Variants in RASEF observed in about 807,000 individuals in gnomAD.
The protein encoded by RASEF is RAS and EF-hand domain containing.
RASEF carries 68 observed loss-of-function variants against 90.1 expected under a neutral mutation model. That is an observed-to-expected ratio of 0.75 (90% CI 0.62 to 0.92). RASEF has a LOEUF of 0.92. RASEF is among the 40% of genes least tolerant of loss of function. The probability of loss-of-function intolerance (pLI) is 0.00; values close to 1 mark genes in which losing one functional copy is unlikely to be tolerated. For synonymous variants in RASEF, 331 were observed against 345.2 expected (o/e 0.96, Z 0.46); for missense variants, 949 against 937.2 (o/e 1.01, Z -0.16).
chr9:83,180,250 A>G, the RASEF span, among the ~76,000 whole-genome samples: 9 of 152,192 alleles, frequency 5.9e-5, no homozygotes, highest in Admixed American at 5.9e-4. Context: ...ATATTAGGAT[A>G]GTTAAAAATA....
the RASEF span, among the ~76,000 whole-genome samples, chr9:83,073,320 A>G: frequency 7.9e-5 from 12 of 152,148 alleles, no homozygotes; most frequent in African/African-American, 2.9e-4. Context: ...AATACCTTTA[A>G]GGTTGATCTC....
At chr9:83,147,038 A>G in the RASEF span, among the ~76,000 whole-genome samples, 721 of 51,678 alleles carry the variant, frequency 0.014, 4 homozygotes, top group Middle Eastern at 0.036. Flanking sequence ...GTATATATAT[A>G]TGTATATATA....
intron 4 of RASEF, among the ~76,000 whole-genome samples, chr9:83,014,073 G>C (rs1375797921): frequency 3.3e-5 from 5 of 152,184 alleles, no homozygotes; most frequent in Non-Finnish European, 7.3e-5. Flanking sequence ...GGAAGCCACA[G>C]AAATAAGTCA....
intron 2 of RASEF, 82 bp downstream of exon 2, chr9:83,025,693 T>A (rs1045489110): frequency 1.5e-6 from 2 of 1,359,420 alleles, no homozygotes; most frequent in African/African-American, 1.4e-5. Context: ...AGTGTGACAA[T>A]GCAGTTCAGT....
the RASEF span, among the ~76,000 whole-genome samples, chr9:83,199,391 C>T: frequency 6.6e-6 from 1 of 151,940 alleles, no homozygotes; most frequent in African/African-American, 2.4e-5. Flanking sequence ...CGCAGCCTGT[C>T]TGTAGCAGGG....
chr9:83,055,856 G>A (rs571592359), intron 1 of RASEF, among the ~76,000 whole-genome samples: 3 of 152,324 alleles, frequency 2.0e-5, no homozygotes, highest in East Asian at 1.9e-4. Flanking sequence ...AGAAACATTC[G>A]ATGTGAAACA....
chr9:83,151,286 C>A, the RASEF span, among the ~76,000 whole-genome samples: 25,357 of 152,138 alleles, frequency 0.17, 2,308 homozygotes, highest in Non-Finnish European at 0.21. Context: ...GCCCTTGGGA[C>A]ACCACTGATG....
intron 9 of RASEF, among the ~76,000 whole-genome samples, chr9:83,003,899 C>G (rs866042074): frequency 6.6e-6 from 1 of 152,128 alleles, no homozygotes; most frequent in Non-Finnish European, 1.5e-5. Flanking sequence ...TAAACATACA[C>G]ATACACTCAT....
At chr9:83,192,956 A>G in the RASEF span, among the ~76,000 whole-genome samples, 1 of 152,224 alleles carries the variant, frequency 6.6e-6, no homozygotes, top group Non-Finnish European at 1.5e-5. Flanking sequence ...CAATGTGCCC[A>G]GGATTCTAGT....
the RASEF span, among the ~76,000 whole-genome samples, chr9:83,134,763 C>A: frequency 6.6e-6 from 1 of 151,884 alleles, no homozygotes; most frequent in East Asian, 1.9e-4. Flanking sequence ...AAGGGTACAC[C>A]CAAGAGAATT....
chr9:83,137,964 T>A, the RASEF span, among the ~76,000 whole-genome samples: 1 of 151,962 alleles, frequency 6.6e-6, no homozygotes, highest in Admixed American at 6.6e-5. Context: ...AAACTTGAAC[T>A]TTACCCTCAG....
In RASEF at chr9:83,000,475, A is replaced by G. The variant is rs1257834638; in HGVS notation, c.1533T>C (p.Ile511=). The part of the protein sequence containing the change: ...KPQGSVSEGS[I]VSSSRKPISA... ...AGATGGGCTTTCTTGATGAACTAAC[A>G]ATGCTGCCTTCACTAACAGACCCTT... Residue 511 remains isoleucine (I), a synonymous_variant, in exon 11 of 17, where the codon ATT becomes ATC. Coordinates refer to ENST00000376447, the MANE Select transcript of RASEF (RefSeq NM_152573.4). The G allele has an allele frequency of 6.2e-7, 1 of 1,614,138 alleles. No homozygotes were observed. Among genetic ancestry groups the G allele is most frequent in the South Asian group, 1.1e-5 (1 of 91,084 alleles).
chr9:83,084,335 T>C, the RASEF span, among the ~76,000 whole-genome samples: 4 of 152,212 alleles, frequency 2.6e-5, no homozygotes, highest in African/African-American at 7.2e-5. Context: ...TATTTAATCA[T>C]AGGCCAAGAG....
At chr9:83,024,820 A>T (rs1254447661) in intron 2 of RASEF, among the ~76,000 whole-genome samples, 1 of 152,192 alleles carries the variant, frequency 6.6e-6, no homozygotes, top group Non-Finnish European at 1.5e-5. Flanking sequence ...GGAAGGATAA[A>T]GAGACAGCAG....
At chr9:83,096,795 C>A in the RASEF span, among the ~76,000 whole-genome samples, 1 of 151,638 alleles carries the variant, frequency 6.6e-6, no homozygotes, top group Non-Finnish European at 1.5e-5. Context: ...ACCCACCCCA[C>A]AACAGGCCCC....
the RASEF span, among the ~76,000 whole-genome samples, chr9:83,205,864 A>G: frequency 2.0e-5 from 3 of 152,238 alleles, no homozygotes; most frequent in African/African-American, 7.2e-5. Context: ...CATTTACTAG[A>G]TGAACACACC....
chr9:83,039,759 T>C (rs1829805776), intron 1 of RASEF, among the ~76,000 whole-genome samples: 1 of 152,168 alleles, frequency 6.6e-6, no homozygotes, highest in South Asian at 2.1e-4. Context: ...TCAATGGGGA[T>C]GCGCCCACTA....
the RASEF span, among the ~76,000 whole-genome samples, chr9:83,122,935 C>T: frequency 9.2e-5 from 14 of 152,090 alleles, no homozygotes; most frequent in African/African-American, 3.1e-4. Flanking sequence ...GAGGTATATG[C>T]ACTTGTCAAA....
chr9:83,032,195 C>T (rs1829659827), intron 1 of RASEF, among the ~76,000 whole-genome samples: 1 of 152,014 alleles, frequency 6.6e-6, no homozygotes, highest in African/African-American at 2.4e-5. Context: ...CCGTGTCCTA[C>T]CTTCTGACGT....
Sources: gnomAD v4.1 joint callset for allele counts (sites outside exome capture counted in the v4.1 genomes callset) on GRCh38, gnomAD v4.1.1 for gene constraint, MANE v1.5 for transcripts, NCBI Gene and HGNC (gene_info 2026-07-23, HGNC 2026-07-21) for gene names.